NRXN3: variants seen among roughly 807,000 people sequenced by gnomAD.
The protein encoded by NRXN3 is neurexin III.
In NRXN3, 32 loss-of-function variants were observed where a neutral mutation model predicts 137.6. The observed-to-expected ratio is 0.23, with a 90% CI of 0.18 to 0.31. The LOEUF (loss-of-function observed/expected upper bound fraction) is 0.31, where lower values mean the gene tolerates loss of function less well. Ranked by LOEUF, NRXN3 falls within the 10% of genes least tolerant of loss-of-function variation. NRXN3 has a pLI of 1.00. For synonymous variants in NRXN3, 798 were observed against 784.5 expected, an observed-to-expected ratio of 1.02 and a Z score of -0.29; for missense variants, 1,574 against 2,062.5, an observed-to-expected ratio of 0.76 and a Z score of 4.59.
intron 15 of NRXN3, among the ~76,000 whole-genome samples, chr14:79,218,500 A>G (rs550144002): frequency 6.6e-6 from 1 of 152,284 alleles, no homozygotes; most frequent in Non-Finnish European, 1.5e-5. Context: ...CACACTTAGC[A>G]GAATGGGAGA....
At chr14:79,847,245 C>T (rs1367011811) in intron 20 of NRXN3, among the ~76,000 whole-genome samples, 1 of 152,146 alleles carries the variant, frequency 6.6e-6, no homozygotes, top group Non-Finnish European at 1.5e-5. Flanking sequence ...CTTCCAATCT[C>T]CATCTCCACA....
At chr14:78,472,363 C>G (rs923894313) in intron 4 of NRXN3, among the ~76,000 whole-genome samples, 2 of 152,114 alleles carry the variant, frequency 1.3e-5, no homozygotes, top group African/African-American at 4.8e-5. Context: ...TGTGGGGAAG[C>G]TCAGATTTGA....
At chr14:79,184,824 C>T (rs548598963) in intron 15 of NRXN3, among the ~76,000 whole-genome samples, 2 of 152,178 alleles carry the variant, frequency 1.3e-5, no homozygotes, top group Non-Finnish European at 2.9e-5. Context: ...GGAAATTGCT[C>T]TCTAATTTTC....
At chr14:78,504,624 G>A (rs1273753869) in intron 4 of NRXN3, among the ~76,000 whole-genome samples, 1 of 152,056 alleles carries the variant, frequency 6.6e-6, no homozygotes, top group Admixed American at 6.6e-5. Context: ...ACCATTTATG[G>A]AGAAACATTT....
chr14:79,323,683 C>A (rs1022422112), intron 15 of NRXN3, among the ~76,000 whole-genome samples: 6 of 151,928 alleles, frequency 3.9e-5, no homozygotes, highest in African/African-American at 1.4e-4. Context: ...TGTGGTGAAA[C>A]CCCATCTCTA....
chr14:78,992,126 AC>A (rs1198992659), intron 15 of NRXN3, among the ~76,000 whole-genome samples: 1 of 152,176 alleles, frequency 6.6e-6, no homozygotes, highest in African/African-American at 2.4e-5. Context: ...TTTAGATATG[AC>A]CTTCCACAAT....
chr14:78,706,029 A>T (rs1267538694), intron 6 of NRXN3, among the ~76,000 whole-genome samples: 1 of 151,938 alleles, frequency 6.6e-6, no homozygotes, highest in Admixed American at 6.6e-5. Flanking sequence ...GTATCTTGTT[A>T]AAAGGCTTTT....
At chr14:79,683,827 T>C (rs2098682595) in intron 17 of NRXN3, among the ~76,000 whole-genome samples, 1 of 152,176 alleles carries the variant, frequency 6.6e-6, no homozygotes, top group Admixed American at 6.5e-5. Flanking sequence ...TTAAGTGTCT[T>C]CATGACATGA....
chr14:79,321,222 C>G (rs887846513), intron 15 of NRXN3, among the ~76,000 whole-genome samples: 1 of 151,956 alleles, frequency 6.6e-6, no homozygotes, highest in African/African-American at 2.4e-5. Context: ...TTATATATGA[C>G]TAAAGGTCCA....
chr14:78,249,798 A>G (rs1483993725), intron 2 of NRXN3, among the ~76,000 whole-genome samples: 2 of 152,070 alleles, frequency 1.3e-5, no homozygotes, highest in Admixed American at 6.6e-5. Context: ...CATTTTACGG[A>G]TGAGGAAACC....
At chr14:78,846,817 C>T (rs554438162) in intron 10 of NRXN3, among the ~76,000 whole-genome samples, 55 of 152,252 alleles carry the variant, frequency 3.6e-4, no homozygotes, top group African/African-American at 1.3e-3. Flanking sequence ...CCCACTGCGT[C>T]CTGCACCTTC....
At position 79,865,423 on chromosome 14, in the gene NRXN3, C is replaced by A. The variant is rs143394673; in HGVS notation, c.*3459C>A. The A allele has an allele frequency of 3.9e-5, 6 of 152,242 alleles. No homozygotes were observed. In the East Asian group the frequency reaches 1.2e-3, roughly 29 times the overall value. 9.4% of individuals were successfully genotyped at this position (152,242 alleles called of 1,614,324 possible). The stretch of plus-strand genomic sequence containing the variant: ...ATCTAGAAATATAGATTTAACTGAA[C>A]AGCTGTCCTTTATCCATATGTTGGT... On this transcript the variant is annotated 3_prime_UTR_variant, in exon 21 of 21. Transcript: ENST00000335750.
intron 15 of NRXN3, among the ~76,000 whole-genome samples, chr14:79,172,432 A>G (rs1568493887): frequency 6.6e-6 from 1 of 152,176 alleles, no homozygotes; most frequent in Non-Finnish European, 1.5e-5. Context: ...TCTGAAAGAA[A>G]GGGAGAAAGG....
intron 9 of NRXN3, among the ~76,000 whole-genome samples, chr14:78,806,004 C>T (rs1239218426): frequency 1.3e-5 from 2 of 150,438 alleles, no homozygotes; most frequent in Non-Finnish European, 3.0e-5. Context: ...ATTTTAAACT[C>T]TAGTCAAAGT....
chr14:79,397,057 A>G (rs2095047331), intron 15 of NRXN3, among the ~76,000 whole-genome samples: 1 of 152,180 alleles, frequency 6.6e-6, no homozygotes, highest in African/African-American at 2.4e-5. Context: ...CTGTCTTGGA[A>G]ACATACAGAA....
chr14:78,456,863 T>TTC (rs1555540251), intron 4 of NRXN3, among the ~76,000 whole-genome samples: 8,019 of 119,314 alleles, frequency 0.067, 305 homozygotes, highest in Non-Finnish European at 0.093. Flanking sequence ...CTTTTTCTCT[T>TTC]TCTTTCTTTC....
At chr14:79,261,547 A>C in intron 15 of NRXN3, among the ~76,000 whole-genome samples, 1 of 146,198 alleles carries the variant, frequency 6.8e-6, no homozygotes, top group South Asian at 2.3e-4. Flanking sequence ...AGAAAGCATA[A>C]GTCCAGTCTG....
At chr14:79,337,061 G>A (rs762812174) in intron 15 of NRXN3, among the ~76,000 whole-genome samples, 13 of 152,026 alleles carry the variant, frequency 8.6e-5, no homozygotes, top group Admixed American at 2.6e-4. Context: ...GATGTTTTTC[G>A]TCCAATTCTG....
At chr14:78,289,789 C>G (rs1388382094) in intron 3 of NRXN3, among the ~76,000 whole-genome samples, 1 of 152,094 alleles carries the variant, frequency 6.6e-6, no homozygotes, top group Non-Finnish European at 1.5e-5. Flanking sequence ...TGGCAGACAC[C>G]TATAATCCCA....
Sources: allele counts gnomAD v4.1 joint callset (sites outside exome capture counted in the v4.1 genomes callset), GRCh38; gene constraint gnomAD v4.1.1; transcripts MANE v1.5; gene names NCBI Gene and HGNC (gene_info 2026-07-23, HGNC 2026-07-21).